The following CTTNBP2 variants were observed in gnomAD, a reference collection of about 807,000 sequenced individuals.
CTTNBP2 encodes cortactin-binding protein 2.
CTTNBP2 carries 108 observed loss-of-function variants against 156.9 expected under a neutral mutation model. The observed-to-expected ratio is 0.69, with a 90% CI of 0.59 to 0.81. CTTNBP2 has a LOEUF of 0.81. CTTNBP2 is among the 30% of genes least tolerant of loss of function. The probability of loss-of-function intolerance (pLI) is 0.00; values close to 1 mark genes in which losing one functional copy is unlikely to be tolerated. For missense variants in CTTNBP2, 1,924 were observed against 2,035.4 expected (o/e 0.95, Z 1.05); for synonymous variants, 767 against 751.8 (o/e 1.02, Z -0.33).
At chr7:117,801,675 A>T (rs542317055) in intron 3 of CTTNBP2, among the ~76,000 whole-genome samples, 1 of 152,318 alleles carries the variant, frequency 6.6e-6, no homozygotes, top group South Asian at 2.1e-4. Flanking sequence ...TAGGAGTAAA[A>T]AACCATATGT....
chr7:117,768,003 G>T (rs1584969366), intron 8 of CTTNBP2, among the ~76,000 whole-genome samples: 1 of 152,010 alleles, frequency 6.6e-6, no homozygotes, highest in Middle Eastern at 3.4e-3. Flanking sequence ...TTTCCCACAA[G>T]GCTAAGGAGA....
chr7:117,778,946 G>A (rs1798255647), intron 7 of CTTNBP2, among the ~76,000 whole-genome samples: 1 of 152,174 alleles, frequency 6.6e-6, no homozygotes, highest in Non-Finnish European at 1.5e-5. Flanking sequence ...GTAGAAGACA[G>A]AGAAATAGGC....
intron 12 of CTTNBP2, among the ~76,000 whole-genome samples, chr7:117,750,497 T>C (rs909706836): frequency 4.6e-5 from 7 of 152,226 alleles, no homozygotes; most frequent in Non-Finnish European, 1.0e-4. Flanking sequence ...TTCCACATCA[T>C]TCATACATTT....
At chr7:117,765,201 GC>G (rs1584964507) in intron 9 of CTTNBP2, among the ~76,000 whole-genome samples, 1 of 152,312 alleles carries the variant, frequency 6.6e-6, no homozygotes, top group East Asian at 1.9e-4. Flanking sequence ...CTCCCAAAGT[GC>G]TGGGATTACA....
At position 117,784,177 on chromosome 7, in the gene CTTNBP2, A is replaced by T. The variant is rs1454240383; in HGVS notation, c.2272+74T>A. On this transcript the variant is annotated intron_variant, in intron 5 of 22. Coordinates refer to ENST00000160373, the MANE Select transcript of CTTNBP2 (RefSeq NM_033427.3). Reference sequence around the variant, plus strand: ...TAAAACTAAATTGAACTTTCTGCTCATTACAATTGATACATGGGCTTTTGA... The same window carrying T: ...TAAAACTAAATTGAACTTTCTGCTCTTTACAATTGATACATGGGCTTTTGA... 3 of 1,141,868 alleles carry T rather than the reference A, an allele frequency of 2.6e-6. No homozygotes were observed. The Admixed American group carries it at 7.9e-5, about 30-fold the overall frequency. 70.7% of individuals were successfully genotyped at this position (1,141,868 alleles called of 1,614,324 possible).
chr7:117,830,808 T>C (rs1801555454), intron 2 of CTTNBP2, among the ~76,000 whole-genome samples: 1 of 152,214 alleles, frequency 6.6e-6, no homozygotes, highest in Admixed American at 6.5e-5. Flanking sequence ...AACACTTCTC[T>C]GGCTGAATTA....
At chr7:117,713,292 C>A (rs1794161957) in intron 22 of CTTNBP2, among the ~76,000 whole-genome samples, 1 of 152,210 alleles carries the variant, frequency 6.6e-6, no homozygotes. Flanking sequence ...GTATTTCAAG[C>A]TCTAAGTATT....
At chr7:117,822,667 T>C (rs1440703815) in intron 2 of CTTNBP2, among the ~76,000 whole-genome samples, 1 of 152,238 alleles carries the variant, frequency 6.6e-6, no homozygotes, top group Non-Finnish European at 1.5e-5. Context: ...CTTGGAATTT[T>C]CCGAAATAGC....
Position 117,724,564 on chromosome 7 carries a change from G to C in CTTNBP2, c.4430C>G (p.Pro1477Arg). 6.2e-7 allele frequency: 1 copy of C among 1,613,734 alleles called. No homozygotes were observed. The highest frequency in any genetic ancestry group is 8.5e-7 in the Non-Finnish European group (1 of 1,179,958). ...GRFSLPTWNK[P>R]DLSTEGMKNK... ...CCCTTTACCTTCAGTGCTTAGGTCT[G>C]GCTTATTCCAGGTGGGTAAAGAGAA... The change falls in exon 19 of 23, where the codon CCA becomes CGA. Residue 1477 changes from proline (P) to arginine (R), a missense_variant. By Grantham distance (103) the Pro-to-Arg change is moderately radical (BLOSUM62 -2). Coordinates refer to ENST00000160373, the MANE Select transcript of CTTNBP2 (RefSeq NM_033427.3).
intron 17 of CTTNBP2, among the ~76,000 whole-genome samples, chr7:117,726,205 A>G (rs949622635): frequency 1.3e-5 from 2 of 152,262 alleles, no homozygotes; most frequent in African/African-American, 4.8e-5. Flanking sequence ...TTGTTGCAGT[A>G]TTAAAAAACA....
chr7:117,864,698 TCATATATTCATATATATTCATATATA>T (rs1563077621), intron 1 of CTTNBP2, among the ~76,000 whole-genome samples: 2 of 120,624 alleles, frequency 1.7e-5, no homozygotes, highest in South Asian at 2.6e-4. Context: ...TCATATATAT[TCATATATTCATATATATTCATATATA>T]CATATATTCA....
intron 2 of CTTNBP2, among the ~76,000 whole-genome samples, chr7:117,835,540 C>T (rs1177012137): frequency 6.6e-6 from 1 of 152,216 alleles, no homozygotes; most frequent in East Asian, 1.9e-4. Flanking sequence ...CCTTTTCTCT[C>T]TCTAGTCACT....
Position 117,792,698 on chromosome 7 carries a change from C to G in CTTNBP2, c.498G>C (p.Lys166Asn), listed in dbSNP as rs767538953. The change falls in exon 4 of 23, where the codon AAG becomes AAC. Residue 166 changes from lysine to asparagine, a missense_variant. Physicochemically the swap from Lys to Asn is moderately conservative, Grantham distance 94. Coordinates refer to ENST00000160373, the MANE Select transcript of CTTNBP2 (RefSeq NM_033427.3). The surrounding 1 kb of genome is among the most constrained non-coding windows in gnomAD (Gnocchi z 4.2). Reference sequence around the variant, plus strand: ...CCAGCATCAGGACCACCTGCTTGTTCTTGCCACGCTCTTCCTCAAGGCGGG... The same window carrying G: ...CCAGCATCAGGACCACCTGCTTGTTGTTGCCACGCTCTTCCTCAAGGCGGG... ...LAARLEEERG[K>N]NKQVVLMLVK... is the part of the protein sequence containing the mutation. 1 of 1,612,974 alleles carries G rather than the reference C, an allele frequency of 6.2e-7. No individual in the cohort carries two copies. The highest frequency in any genetic ancestry group is 8.5e-7 in the Non-Finnish European group (1 of 1,179,362).
chr7:117,859,823 T>A (rs1405494273), intron 2 of CTTNBP2, among the ~76,000 whole-genome samples: 2 of 152,244 alleles, frequency 1.3e-5, no homozygotes, highest in Non-Finnish European at 2.9e-5. Context: ...ACTACCATTT[T>A]TCTGTGGCAA....
chr7:117,863,827 C>T (rs1803931560), intron 1 of CTTNBP2, among the ~76,000 whole-genome samples: 1 of 152,072 alleles, frequency 6.6e-6, no homozygotes, highest in African/African-American at 2.4e-5. Context: ...GAAAATCTAC[C>T]AGCCCAAGTC....
chr7:117,739,896 C>T (rs1279345027), intron 14 of CTTNBP2, among the ~76,000 whole-genome samples: 14 of 152,188 alleles, frequency 9.2e-5, no homozygotes, highest in Admixed American at 6.5e-5. Context: ...ATCCTCATTA[C>T]TTTTACAAAG....
chr7:117,810,998 AAATTAGAG>A lies in CTTNBP2; in HGVS notation c.190-17_190-10del. On this transcript the variant is annotated splice_polypyrimidine_tract_variant and intron_variant, in intron 2 of 22. Transcript: ENST00000160373. ...ACCTCCTTCCTGCGAGCCTGGAACA[AAATTAGAG>A]AAATGTATTGAAGAAAGAAATGAAA... 6.3e-7 allele frequency: 1 copy of A among 1,577,216 alleles called. No individual in the cohort carries two copies. The highest frequency in any genetic ancestry group is 8.7e-7 in the Non-Finnish European group (1 of 1,147,846).
At chr7:117,756,761 G>A in intron 11 of CTTNBP2, 127 bp from the exon 12 acceptor site, 1 of 712,480 alleles carries the variant, frequency 1.4e-6, no homozygotes, top group Non-Finnish European at 2.5e-6. Context: ...CTGACATTTG[G>A]CCAGGAGGCA....
chr7:117,734,787 T>C (rs1795587556), intron 16 of CTTNBP2, 126 bp downstream of exon 16: 5 of 626,982 alleles, frequency 8.0e-6, no homozygotes, highest in Admixed American at 3.7e-5. Context: ...TTTTTGGCCC[T>C]TGAATGTCAA....
Sources: gnomAD v4.1 joint callset for allele counts (sites outside exome capture counted in the v4.1 genomes callset) on GRCh38, gnomAD v4.1.1 for gene constraint, Gnocchi (gnomAD v3.1) non-coding constraint, MANE v1.5 for transcripts, NCBI Gene and HGNC (gene_info 2026-07-23, HGNC 2026-07-21) for gene names.